The following SLC35F3 variants were observed in gnomAD, a reference collection of about 807,000 sequenced individuals.
The protein encoded by SLC35F3 is solute carrier family 35 member F3, also known as putative thiamine transporter SLC35F3.
Under a neutral mutation model 49.9 loss-of-function variants are expected in SLC35F3, and 25 were observed. The ratio of observed to expected loss-of-function variants is 0.50; its 90% CI spans 0.37 to 0.70. The LOEUF (loss-of-function observed/expected upper bound fraction) is 0.70, where lower values mean the gene tolerates loss of function less well. Ranked by LOEUF, SLC35F3 falls within the 30% of genes least tolerant of loss-of-function variation. SLC35F3 has a pLI of 0.00. For missense variants in SLC35F3, 525 were observed against 639.8 expected (o/e 0.82, Z 1.94); for synonymous variants, 275 against 265.4 (o/e 1.04, Z -0.35).
chr1:234,309,366 A>T (rs1657293570), intron 4 of SLC35F3, 46 bp downstream of exon 4: 1 of 1,561,180 alleles, frequency 6.4e-7, no homozygotes, highest in African/African-American at 1.4e-5. Context: ...AGTCATGTCA[A>T]CCAAAACCTG....
chr1:234,280,112 G>C (rs1225161010), intron 3 of SLC35F3, among the ~76,000 whole-genome samples: 1 of 152,192 alleles, frequency 6.6e-6, no homozygotes, highest in Non-Finnish European at 1.5e-5. Context: ...CAGAACATTT[G>C]CCTTCCCTTC....
intron 2 of SLC35F3, among the ~76,000 whole-genome samples, chr1:233,908,198 C>CA (rs879340874): frequency 0.011 from 1,584 of 140,954 alleles, 33 homozygotes; most frequent in African/African-American, 0.038. Flanking sequence ...AAAACAAAGA[C>CA]AAAAAAAAAA....
chr1:234,259,914 T>C (rs1239718723), intron 3 of SLC35F3, among the ~76,000 whole-genome samples: 2 of 152,082 alleles, frequency 1.3e-5, no homozygotes, highest in Admixed American at 6.6e-5. Context: ...TATAATAAAA[T>C]CAAATTCATT....
intron 2 of SLC35F3, among the ~76,000 whole-genome samples, chr1:234,127,371 C>T (rs1336704794): frequency 6.6e-6 from 1 of 152,178 alleles, no homozygotes. Flanking sequence ...TGTCATTGCA[C>T]CTATTTTGAT....
At chr1:234,248,423 A>G (rs79752470) in intron 3 of SLC35F3, among the ~76,000 whole-genome samples, 1 of 152,042 alleles carries the variant, frequency 6.6e-6, no homozygotes, top group Admixed American at 6.5e-5. Context: ...TGGCTGGTGC[A>G]TTGTTTGGTG....
chr1:234,122,330 CTG>C (rs1267580125), intron 2 of SLC35F3, among the ~76,000 whole-genome samples: 8 of 152,330 alleles, frequency 5.3e-5, no homozygotes, highest in Non-Finnish European at 7.3e-5. Flanking sequence ...TTTTTTAAAT[CTG>C]TGTCTTCCAC....
chr1:234,169,526 CT>C (rs1278739348), intron 2 of SLC35F3, among the ~76,000 whole-genome samples: 2 of 152,180 alleles, frequency 1.3e-5, no homozygotes, highest in Non-Finnish European at 2.9e-5. Flanking sequence ...GAAAACTTTG[CT>C]GGATTTCTGG....
intron 2 of SLC35F3, among the ~76,000 whole-genome samples, chr1:234,000,526 A>G (rs929254979): frequency 2.6e-5 from 4 of 152,176 alleles, no homozygotes; most frequent in Non-Finnish European, 5.9e-5. Flanking sequence ...GGTGCTCATC[A>G]TATCCAACAG....
chr1:234,059,998 A>T (rs934884384), intron 2 of SLC35F3, among the ~76,000 whole-genome samples: 1 of 152,214 alleles, frequency 6.6e-6, no homozygotes, highest in Non-Finnish European at 1.5e-5. Flanking sequence ...ACCCTTACAG[A>T]TACACCCAAG....
At chr1:234,152,141 A>G (rs987200477) in intron 2 of SLC35F3, among the ~76,000 whole-genome samples, 4 of 151,682 alleles carry the variant, frequency 2.6e-5, no homozygotes, top group Non-Finnish European at 4.4e-5. Flanking sequence ...AAAAGTGTAT[A>G]TGATTTTTTT....
At chr1:234,318,534 C>T (rs1020070870) in intron 5 of SLC35F3, among the ~76,000 whole-genome samples, 1 of 152,170 alleles carries the variant, frequency 6.6e-6, no homozygotes, top group Non-Finnish European at 1.5e-5. Flanking sequence ...TCCAAAGAAG[C>T]TTTCTGTATA....
At chr1:234,244,046 C>T (rs980861861) in intron 3 of SLC35F3, among the ~76,000 whole-genome samples, 1 of 152,198 alleles carries the variant, frequency 6.6e-6, no homozygotes, top group Non-Finnish European at 1.5e-5. Context: ...CAAAACTAAA[C>T]TTCTGTGTGC....
chr1:234,110,027 A>C (rs1665382333), intron 2 of SLC35F3, among the ~76,000 whole-genome samples: 1 of 152,162 alleles, frequency 6.6e-6, no homozygotes. Context: ...GAAGGATAGT[A>C]TGACTAGGAA....
At chr1:234,217,841 T>G (rs1186667925) in intron 2 of SLC35F3, among the ~76,000 whole-genome samples, 9 of 150,632 alleles carry the variant, frequency 6.0e-5, no homozygotes, top group Non-Finnish European at 1.5e-5. Flanking sequence ...GAGGAGATAT[T>G]CCTGAGGAAC....
intron 2 of SLC35F3, among the ~76,000 whole-genome samples, chr1:234,079,878 G>A (rs750638775): frequency 6.6e-6 from 1 of 152,162 alleles, no homozygotes; most frequent in Non-Finnish European, 1.5e-5. Context: ...GATATAAAAA[G>A]ACACAATATA....
chr1:234,156,763 T>C (rs57403279), intron 2 of SLC35F3, among the ~76,000 whole-genome samples: 2,490 of 152,320 alleles, frequency 0.016, 62 homozygotes, highest in African/African-American at 0.057. Flanking sequence ...GATATATCCA[T>C]ACTTTTTATT....
Position 234,085,860 on chromosome 1 carries a change from A to G in SLC35F3, c.284-145557A>G, listed in dbSNP as rs117449148. 4.1e-4 allele frequency among the ~76,000 whole-genome samples: 62 copies of G among 152,306 alleles called. 1 individual carries two copies. In the East Asian group the frequency reaches 0.012, roughly 28 times the overall value. ...CTTTGGGAAGTTTCAGTTGCTCTCT[A>G]ATTCTAAGCAGGGACAATTTCTGGT... On this transcript the variant is annotated intron_variant, in intron 2 of 7. Coordinates refer to ENST00000366618, the MANE Select transcript of SLC35F3 (RefSeq NM_173508.4).
chr1:234,177,507 TGGACAGGCTA>T (rs970018694), intron 2 of SLC35F3, among the ~76,000 whole-genome samples: 21 of 152,206 alleles, frequency 1.4e-4, no homozygotes, highest in Admixed American at 1.3e-4. Context: ...TAGGGGTTCA[TGGACAGGCTA>T]GGACCCTGCC....
chr1:234,138,913 A>T (rs1665847811), intron 2 of SLC35F3, among the ~76,000 whole-genome samples: 1 of 152,162 alleles, frequency 6.6e-6, no homozygotes, highest in South Asian at 2.1e-4. Context: ...AGCCAAACAA[A>T]TCCTACTCTT....
Sources: allele counts gnomAD v4.1 joint callset (sites outside exome capture counted in the v4.1 genomes callset), GRCh38; gene constraint gnomAD v4.1.1; transcripts MANE v1.5; gene names NCBI Gene and HGNC (gene_info 2026-07-23, HGNC 2026-07-21).